The following EFCAB13 variants were observed in gnomAD, a reference collection of about 807,000 sequenced individuals.
EFCAB13 encodes EF-hand calcium-binding domain-containing protein 13.
EFCAB13 carries 91 observed loss-of-function variants against 110.2 expected under a neutral mutation model. The observed-to-expected ratio is 0.83, with a 90% CI of 0.70 to 0.98. The LOEUF (loss-of-function observed/expected upper bound fraction) is 0.98. EFCAB13 is among the 50% of genes least tolerant of loss of function. The pLI, the probability that EFCAB13 is intolerant of heterozygous loss-of-function variation, is 0.00. For missense variants in EFCAB13, 968 were observed against 1,119.4 expected (o/e 0.86, Z 1.93); for synonymous variants, 323 against 369.9 (o/e 0.87, Z 1.45).
intron 9 of EFCAB13, among the ~76,000 whole-genome samples, chr17:47,349,544 A>G (rs1174973481): frequency 1.3e-5 from 2 of 152,110 alleles, no homozygotes; most frequent in Non-Finnish European, 2.9e-5. Context: ...TACATTCTAT[A>G]TATAATGTCG....
At chr17:47,381,573 G>A (rs1352181888) in intron 14 of EFCAB13, among the ~76,000 whole-genome samples, 1 of 152,046 alleles carries the variant, frequency 6.6e-6, no homozygotes, top group Non-Finnish European at 1.5e-5. Flanking sequence ...CTGCATATGG[G>A]TAGCCAGTTT....
intron 6 of EFCAB13, 113 bp downstream of exon 6, chr17:47,342,145 C>T (rs956970620): frequency 6.8e-5 from 41 of 602,708 alleles, no homozygotes; most frequent in Admixed American, 2.3e-4. Flanking sequence ...TTAAATATCA[C>T]TACCTGGTCT....
Position 47,344,288 on chromosome 17 carries a change from A to G in EFCAB13, c.430A>G (p.Thr144Ala). 6.2e-7 allele frequency: 1 copy of G among 1,611,482 alleles called. No homozygotes were observed. The highest frequency in any genetic ancestry group is 8.5e-7 in the Non-Finnish European group (1 of 1,178,450). The change falls in exon 7 of 25, where the codon ACT becomes GCT. Residue 144 changes from threonine to alanine, a missense_variant. Transcript: ENST00000331493. ...SSPLCTSSAITREKEMLSNLY... is the reference protein window; with the variant it reads ...SSPLCTSSAIAREKEMLSNLY... ...ACCTCTTTGTACATCTTCTGCAATT[A>G]CTCGGTATTTAAATCCTTGTACTCT...
intron 14 of EFCAB13, among the ~76,000 whole-genome samples, chr17:47,390,908 C>G (rs904138921): frequency 4.5e-5 from 6 of 132,428 alleles, no homozygotes; most frequent in South Asian, 2.6e-4. Context: ...GTATGTGTGT[C>G]TGTCTGTCTA....
chr17:47,327,544 G>A (rs1242705712), intron 3 of EFCAB13, among the ~76,000 whole-genome samples: 2 of 151,330 alleles, frequency 1.3e-5, no homozygotes, highest in East Asian at 3.9e-4. Flanking sequence ...TGCAATCTCC[G>A]CCTCCCAGAT....
chr17:47,367,798 G>A (rs1180318149), intron 10 of EFCAB13, among the ~76,000 whole-genome samples: 3 of 152,242 alleles, frequency 2.0e-5, no homozygotes, highest in East Asian at 3.9e-4. Flanking sequence ...AGGTGGATGC[G>A]TGAATGGAAC....
At chr17:47,408,504 T>C (rs113317268) in intron 20 of EFCAB13, among the ~76,000 whole-genome samples, 49 of 152,136 alleles carry the variant, frequency 3.2e-4, no homozygotes, top group African/African-American at 1.2e-3. Flanking sequence ...AATACAAAAA[T>C]TAGCCTGGCA....
intron 24 of EFCAB13, among the ~76,000 whole-genome samples, chr17:47,435,521 T>G (rs1905195122): frequency 6.6e-6 from 1 of 152,052 alleles, no homozygotes. Flanking sequence ...TTCCTAAGAT[T>G]TTTTTGTTTT....
intron 24 of EFCAB13, among the ~76,000 whole-genome samples, chr17:47,438,810 T>C (rs1025978852): frequency 6.6e-6 from 1 of 152,264 alleles, no homozygotes; most frequent in Non-Finnish European, 1.5e-5. Flanking sequence ...GGATTTCTTC[T>C]TGGTTTGGAT....
At chr17:47,423,565 GGGAAC>G (rs1904803384) in intron 23 of EFCAB13, 1 of 318,626 alleles carries the variant, frequency 3.1e-6, no homozygotes, top group Non-Finnish European at 5.7e-6. Flanking sequence ...CGGCTGCCGA[GGGAAC>G]GCCTTTGTGC....
chr17:47,370,112 G>A (rs968093700), intron 10 of EFCAB13, among the ~76,000 whole-genome samples: 6 of 152,070 alleles, frequency 3.9e-5, no homozygotes, highest in African/African-American at 1.2e-4. Flanking sequence ...TAGAAATGAA[G>A]TCAAAAGAGT....
intron 23 of EFCAB13, chr17:47,423,471 T>A: frequency 4.7e-6 from 1 of 213,310 alleles, no homozygotes. Context: ...CGCGCCTGGC[T>A]GCGGGCGGCC....
chr17:47,362,399 A>C (rs929125381), intron 10 of EFCAB13, among the ~76,000 whole-genome samples: 8 of 152,270 alleles, frequency 5.3e-5, no homozygotes, highest in African/African-American at 1.9e-4. Flanking sequence ...CGGTAATGCC[A>C]GCGTCTGGGA....
At chr17:47,382,809 G>C (rs2065654151) in intron 14 of EFCAB13, among the ~76,000 whole-genome samples, 1 of 152,166 alleles carries the variant, frequency 6.6e-6, no homozygotes, top group South Asian at 2.1e-4. Flanking sequence ...AAATGAGTTA[G>C]AGCGGAGTCC....
intron 5 of EFCAB13, among the ~76,000 whole-genome samples, chr17:47,336,682 GC>G (rs2065353309): frequency 6.9e-6 from 1 of 144,196 alleles, no homozygotes; most frequent in Admixed American, 7.3e-5. Context: ...CTCATGATCT[GC>G]CCGCCTGAGC....
chr17:47,438,751 CT>C (rs1449499103), intron 24 of EFCAB13, among the ~76,000 whole-genome samples: 1 of 152,054 alleles, frequency 6.6e-6, no homozygotes, highest in East Asian at 1.9e-4. Context: ...TGGTCCCTCC[CT>C]GATTAGCTTA....
chr17:47,421,896 A>C (rs1904733092), intron 23 of EFCAB13, among the ~76,000 whole-genome samples: 2 of 152,204 alleles, frequency 1.3e-5, no homozygotes, highest in Non-Finnish European at 2.9e-5. Context: ...AGAAGGATAT[A>C]GTATCACTCT....
intron 23 of EFCAB13, among the ~76,000 whole-genome samples, chr17:47,427,435 C>A (rs1904997338): frequency 6.6e-6 from 1 of 152,018 alleles, no homozygotes; most frequent in Non-Finnish European, 1.5e-5. Flanking sequence ...GCATTGGAAT[C>A]CTTTTCATTC....
chr17:47,359,315 C>T (rs1004980145), intron 9 of EFCAB13, among the ~76,000 whole-genome samples: 3 of 152,004 alleles, frequency 2.0e-5, no homozygotes, highest in Admixed American at 2.0e-4. Flanking sequence ...GCCTGGGCTA[C>T]AGAGAGATAC....
Sources: allele counts gnomAD v4.1 joint callset (sites outside exome capture counted in the v4.1 genomes callset), GRCh38; gene constraint gnomAD v4.1.1; transcripts MANE v1.5; gene names NCBI Gene and HGNC (gene_info 2026-07-23, HGNC 2026-07-21).